Variants in NDFIP2 observed in about 807,000 individuals in gnomAD.
NDFIP2 encodes NEDD4 family-interacting protein 2.
In NDFIP2, 19 loss-of-function variants were observed where a neutral mutation model predicts 36.0. The observed-to-expected ratio is 0.53, with a 90% CI of 0.37 to 0.77. The LOEUF (loss-of-function observed/expected upper bound fraction) is 0.77, where lower values mean the gene tolerates loss of function less well. Among genes scored for constraint, NDFIP2 ranks in the 30% least tolerant of loss-of-function variants. The probability of loss-of-function intolerance (pLI) is 0.00; values close to 1 mark genes in which losing one functional copy is unlikely to be tolerated. For synonymous variants in NDFIP2, 181 were observed against 167.7 expected (o/e 1.08, Z -0.61); for missense variants, 446 against 435.8 (o/e 1.02, Z -0.21).
At chr13:79,515,813 T>C (rs11838748) in intron 1 of NDFIP2, among the ~76,000 whole-genome samples, 2,714 of 152,040 alleles carry the variant, frequency 0.018, 85 homozygotes, top group African/African-American at 0.062. Flanking sequence ...GTAACTTCAA[T>C]GAGTAGCTTG....
intron 2 of NDFIP2, 145 bp downstream of exon 2, chr13:79,521,120 T>C (rs1594851432): frequency 3.0e-6 from 2 of 668,556 alleles, no homozygotes; most frequent in East Asian, 5.5e-5. Context: ...TGTGCACATA[T>C]AAATATACAG....
At chr13:79,543,916 T>C (rs17071576) in intron 5 of NDFIP2, among the ~76,000 whole-genome samples, 4,633 of 152,154 alleles carry the variant, frequency 0.03, 247 homozygotes, top group African/African-American at 0.11. Flanking sequence ...AAAATTTAAG[T>C]TTGAATCTCA....
intron 1 of NDFIP2, among the ~76,000 whole-genome samples, chr13:79,483,539 A>G (rs1023018576): frequency 1.3e-5 from 2 of 152,198 alleles, no homozygotes; most frequent in Admixed American, 1.3e-4. Flanking sequence ...AACTGGAGCA[A>G]TAAACCACTT....
At chr13:79,492,692 A>G (rs1873280552) in intron 1 of NDFIP2, among the ~76,000 whole-genome samples, 1 of 152,114 alleles carries the variant, frequency 6.6e-6, no homozygotes, top group African/African-American at 2.4e-5. Context: ...GGCCACACTT[A>G]AGGCCCTTTT....
chr13:79,481,183 AC>A lies in NDFIP2; in HGVS notation c.-18del. The A allele has an allele frequency of 6.7e-7, 1 of 1,492,452 alleles. No individual in the cohort carries two copies. Among genetic ancestry groups the A allele is most frequent in the Non-Finnish European group, 8.9e-7 (1 of 1,128,956 alleles). The allele number at this position is 1,492,452 out of a possible 1,614,324, so 92.5% of individuals were successfully genotyped here. A position where few individuals can be genotyped will look rare whatever the true frequency, so the allele number is the denominator to read the frequency against. ...TTTCCATCTCCTCCCACCCAGCTAT[AC>A]CCTCCCACTGGCGGCGCGGATGGCA... On this transcript the variant is annotated 5_prime_UTR_variant, in exon 1 of 8. Coordinates refer to ENST00000218652, the MANE Select transcript of NDFIP2 (RefSeq NM_019080.3).
At chr13:79,527,248 A>G (rs1874838387) in intron 2 of NDFIP2, among the ~76,000 whole-genome samples, 1 of 152,250 alleles carries the variant, frequency 6.6e-6, no homozygotes, top group Non-Finnish European at 1.5e-5. Context: ...TAAATATTGC[A>G]TAAACATTAA....
In NDFIP2 at chr13:79,524,539, A is replaced by G. The variant is rs893136989; in HGVS notation, c.487+3564A>G. ...ATGCACTGGTCAAGGGACTGAAGCAATGAGGTTATATTTGCAGGTCAAAGT... is the reference window on the plus strand; with the variant it reads ...ATGCACTGGTCAAGGGACTGAAGCAGTGAGGTTATATTTGCAGGTCAAAGT... On this transcript the variant is annotated intron_variant, in intron 2 of 7. Coordinates refer to ENST00000218652, the MANE Select transcript of NDFIP2 (RefSeq NM_019080.3). Among the ~76,000 whole-genome samples, 19 of 152,350 alleles carry G rather than the reference A, an allele frequency of 1.2e-4. No homozygotes were observed. In the South Asian group the frequency reaches 2.1e-3, roughly 17 times the overall value.
intron 1 of NDFIP2, among the ~76,000 whole-genome samples, chr13:79,511,843 C>T (rs958355731): frequency 4.6e-5 from 7 of 152,254 alleles, no homozygotes; most frequent in African/African-American, 1.7e-4. Context: ...TCCCTAAGAC[C>T]CCAGGGGCTC....
At chr13:79,495,774 C>G (rs1873412569) in intron 1 of NDFIP2, among the ~76,000 whole-genome samples, 1 of 151,700 alleles carries the variant, frequency 6.6e-6, no homozygotes, top group Admixed American at 6.6e-5. Flanking sequence ...TCTTTTTACC[C>G]TTTTCTATCT....
intron 3 of NDFIP2, among the ~76,000 whole-genome samples, chr13:79,534,012 A>ATT (rs774487587): frequency 5.3e-5 from 8 of 151,832 alleles, no homozygotes; most frequent in Non-Finnish European, 1.0e-4. Flanking sequence ...CCTCTTTTCT[A>ATT]TTGCTCTTCC....
chr13:79,523,205 CTGT>C (rs1242591085), intron 2 of NDFIP2, among the ~76,000 whole-genome samples: 5 of 152,014 alleles, frequency 3.3e-5, no homozygotes, highest in Non-Finnish European at 7.4e-5. Flanking sequence ...TCTATACATA[CTGT>C]TGTTTGTTTG....
intron 2 of NDFIP2, among the ~76,000 whole-genome samples, chr13:79,529,461 T>C (rs1298090632): frequency 6.6e-6 from 1 of 152,206 alleles, no homozygotes; most frequent in Non-Finnish European, 1.5e-5. Context: ...GTTTTAATGT[T>C]ACTGCCTTAA....
At chr13:79,524,129 C>A (rs1397247557) in intron 2 of NDFIP2, among the ~76,000 whole-genome samples, 1 of 152,196 alleles carries the variant, frequency 6.6e-6, no homozygotes, top group Admixed American at 6.5e-5. Context: ...TCTTCTTCAT[C>A]TTCCTCTTCC....
chr13:79,502,689 TAGA>T (rs1207302521), intron 1 of NDFIP2, among the ~76,000 whole-genome samples: 1 of 152,070 alleles, frequency 6.6e-6, no homozygotes, highest in African/African-American at 2.4e-5. Flanking sequence ...ATTTAATAAT[TAGA>T]AGGTCATTGT....
At chr13:79,519,248 A>C (rs1443801666) in intron 1 of NDFIP2, 1 of 152,228 alleles carries the variant, frequency 6.6e-6, no homozygotes, top group Non-Finnish European at 1.5e-5. Flanking sequence ...ACAGGAATAA[A>C]TTAAAATATG....
chr13:79,508,804 A>T (rs754419566), intron 1 of NDFIP2, among the ~76,000 whole-genome samples: 14 of 152,172 alleles, frequency 9.2e-5, no homozygotes, highest in Non-Finnish European at 1.8e-4. Context: ...TTCAAGATGG[A>T]GTTGCTCTGG....
chr13:79,552,245 A>T (rs1328016592), intron 7 of NDFIP2, among the ~76,000 whole-genome samples: 1 of 151,372 alleles, frequency 6.6e-6, no homozygotes, highest in African/African-American at 2.4e-5. Flanking sequence ...ATTAATAATA[A>T]GATTAAAAGG....
intron 1 of NDFIP2, among the ~76,000 whole-genome samples, chr13:79,486,726 G>A (rs1298965546): frequency 6.6e-6 from 1 of 152,130 alleles, no homozygotes; most frequent in Non-Finnish European, 1.5e-5. Flanking sequence ...ACGGTGGTAG[G>A]GTTGAGGACA....
intron 4 of NDFIP2, among the ~76,000 whole-genome samples, chr13:79,540,675 C>T (rs1025775844): frequency 6.6e-6 from 1 of 152,074 alleles, no homozygotes; most frequent in African/African-American, 2.4e-5. Flanking sequence ...AAAATACAGC[C>T]TTCGTGAGTT....
Sources: gnomAD v4.1 joint callset for allele counts (sites outside exome capture counted in the v4.1 genomes callset) on GRCh38, gnomAD v4.1.1 for gene constraint, MANE v1.5 for transcripts, NCBI Gene and HGNC (gene_info 2026-07-23, HGNC 2026-07-21) for gene names.